The following PDE8A variants were observed in gnomAD, a reference collection of about 807,000 sequenced individuals.
PDE8A encodes the protein high affinity cAMP-specific and IBMX-insensitive 3',5'-cyclic phosphodiesterase 8A.
Under a neutral mutation model 105.0 loss-of-function variants are expected in PDE8A, and 59 were observed. That is an observed-to-expected ratio of 0.56 (90% confidence interval 0.46 to 0.70). PDE8A has a LOEUF of 0.70. PDE8A is among the 30% of genes least tolerant of loss of function. The probability of loss-of-function intolerance (pLI) is 0.00; values close to 1 mark genes in which losing one functional copy is unlikely to be tolerated. For missense variants in PDE8A, 1,014 were observed against 1,045.9 expected (o/e 0.97, Z 0.42); for synonymous variants, 355 against 371.9 (o/e 0.95, Z 0.52).
intron 1 of PDE8A, among the ~76,000 whole-genome samples, chr15:84,993,440 C>T (rs1180061025): frequency 2.0e-5 from 1 of 48,934 alleles, no homozygotes; most frequent in Non-Finnish European, 3.6e-5. Context: ...GAGACTCCAT[C>T]TCAAAAAAAA....
chr15:85,010,555 T>A (rs1255614942), intron 1 of PDE8A, among the ~76,000 whole-genome samples: 1 of 152,192 alleles, frequency 6.6e-6, no homozygotes, highest in Non-Finnish European at 1.5e-5. Flanking sequence ...TCTGTATGTA[T>A]TTGATTGCCT....
At chr15:85,070,114 C>A (rs2081289706) in intron 3 of PDE8A, among the ~76,000 whole-genome samples, 1 of 152,168 alleles carries the variant, frequency 6.6e-6, no homozygotes, top group Non-Finnish European at 1.5e-5. Context: ...CTGCAGAATT[C>A]TGTCCTTCCC....
At chr15:85,089,616 A>G (rs576247871) in intron 7 of PDE8A, among the ~76,000 whole-genome samples, 200 bp downstream of exon 7, 1 of 152,274 alleles carries the variant, frequency 6.6e-6, no homozygotes, top group South Asian at 2.1e-4. Flanking sequence ...ACTAATAATT[A>G]AGGTGCTAGA....
intron 14 of PDE8A, chr15:85,115,198 C>T (rs2082077183): frequency 6.4e-6 from 3 of 471,702 alleles, no homozygotes; most frequent in Non-Finnish European, 1.1e-5. Flanking sequence ...GACCTTGCTC[C>T]TGAGTTTAGC....
At chr15:85,092,977 AG>A (rs1669077582) in intron 8 of PDE8A, among the ~76,000 whole-genome samples, 1 of 149,450 alleles carries the variant, frequency 6.7e-6, no homozygotes, top group Non-Finnish European at 1.5e-5. Context: ...GCCGGAATGC[AG>A]AGGTGCAACA....
At chr15:85,069,221 A>G (rs1470185946) in intron 3 of PDE8A, among the ~76,000 whole-genome samples, 3 of 152,336 alleles carry the variant, frequency 2.0e-5, no homozygotes, top group Non-Finnish European at 4.4e-5. Flanking sequence ...ATAGTTTTAA[A>G]GTAAAGAATG....
At chr15:85,070,892 A>G (rs2081301085) in intron 3 of PDE8A, among the ~76,000 whole-genome samples, 1 of 152,240 alleles carries the variant, frequency 6.6e-6, no homozygotes, top group South Asian at 2.1e-4. Flanking sequence ...CAAATCAATC[A>G]GTTGTGAGGC....
chr15:85,020,596 AAAAC>A (rs565998916), intron 1 of PDE8A, among the ~76,000 whole-genome samples: 66 of 152,212 alleles, frequency 4.3e-4, no homozygotes, highest in Non-Finnish European at 8.1e-4. Flanking sequence ...ACTGTGTCTC[AAAAC>A]AAACAAACAA....
At chr15:85,080,671 AAG>A (rs1403762589) in intron 5 of PDE8A, among the ~76,000 whole-genome samples, 1 of 152,184 alleles carries the variant, frequency 6.6e-6, no homozygotes. Flanking sequence ...GTGGACCAGA[AAG>A]AGCATCCTGG....
intron 17 of PDE8A, among the ~76,000 whole-genome samples, chr15:85,118,085 C>T (rs1019612504): frequency 1.3e-5 from 2 of 152,124 alleles, no homozygotes; most frequent in Non-Finnish European, 2.9e-5. Flanking sequence ...GGAGGAGAAA[C>T]CTAACAAGGA....
At chr15:85,091,571 A>G (rs1233387607) in intron 8 of PDE8A, among the ~76,000 whole-genome samples, 1 of 152,224 alleles carries the variant, frequency 6.6e-6, no homozygotes, top group African/African-American at 2.4e-5. Flanking sequence ...AGCCTCGTTA[A>G]TTCATTGAGC....
At chr15:84,993,813 G>C (rs2079931550) in intron 1 of PDE8A, among the ~76,000 whole-genome samples, 1 of 152,088 alleles carries the variant, frequency 6.6e-6, no homozygotes, top group Non-Finnish European at 1.5e-5. Context: ...GCTTGAGGCT[G>C]GGAGTTTGAG....
In PDE8A at chr15:85,038,218, T is replaced by G. The variant is rs769234207; in HGVS notation, c.187-26152T>G. ...TGCAAGGCTCTCTCCAATTGGGGGG[T>G]GTGTGTGTGTGTGTGTGTGTGTGTG... On this transcript the variant is annotated intron_variant, in intron 1 of 21. Transcript: ENST00000394553. Among the ~76,000 whole-genome samples the G allele has an allele frequency of 2.9e-3, 7 of 2,444 alleles. No homozygotes were observed. In the East Asian group the frequency reaches 0.05, roughly 17 times the overall value. The allele number at this position is 2,444 out of a possible 152,430, so 1.6% of individuals were successfully genotyped here.
At chr15:85,060,055 A>G (rs1443014236) in intron 1 of PDE8A, among the ~76,000 whole-genome samples, 1 of 151,974 alleles carries the variant, frequency 6.6e-6, no homozygotes, top group Non-Finnish European at 1.5e-5. Context: ...AACTTCTGTC[A>G]TTTTGCTATT....
In PDE8A at chr15:84,982,349, G is replaced by A; in HGVS notation, c.186+1G>A. Reference sequence around the variant, plus strand: ...GCTTCGCGACGGCAGCGGCAAGAAGGTAAGGGGCGCCGGGCACTCTGGGGC... The same window carrying A: ...GCTTCGCGACGGCAGCGGCAAGAAGATAAGGGGCGCCGGGCACTCTGGGGC... On this transcript the variant is annotated splice_donor_variant, in intron 1 of 21. Coordinates refer to ENST00000394553, the MANE Select transcript of PDE8A (RefSeq NM_002605.3). LOFTEE classifies it high-confidence loss of function. 7.5e-7 allele frequency: 1 copy of A among 1,324,674 alleles called. No individual in the cohort carries two copies. Among genetic ancestry groups the A allele is most frequent in the Non-Finnish European group, 9.6e-7 (1 of 1,040,282 alleles). The allele number at this position is 1,324,674 out of a possible 1,614,324, so 82.1% of individuals were successfully genotyped here.
At chr15:85,137,548 C>T (rs899618402) in intron 21 of PDE8A, among the ~76,000 whole-genome samples, 2 of 152,198 alleles carry the variant, frequency 1.3e-5, no homozygotes, top group African/African-American at 4.8e-5. Flanking sequence ...AGCAGATTAG[C>T]CACCTTCTGT....
At chr15:85,100,473 T>G (rs2081843443) in intron 11 of PDE8A, among the ~76,000 whole-genome samples, 1 of 152,190 alleles carries the variant, frequency 6.6e-6, no homozygotes, top group African/African-American at 2.4e-5. Context: ...GAAGTGTGGT[T>G]TTATAACCTG....
At chr15:85,014,063 C>T (rs890432262) in intron 1 of PDE8A, among the ~76,000 whole-genome samples, 1 of 152,140 alleles carries the variant, frequency 6.6e-6, no homozygotes, top group Non-Finnish European at 1.5e-5. Flanking sequence ...CATATACCAG[C>T]CTTGATTCAG....
chr15:85,111,276 T>C (rs2082016858), intron 12 of PDE8A, among the ~76,000 whole-genome samples: 1 of 152,244 alleles, frequency 6.6e-6, no homozygotes, highest in Non-Finnish European at 1.5e-5. Context: ...TTATGTCCTA[T>C]TTAAGAAATC....
Sources: allele counts gnomAD v4.1 joint callset (sites outside exome capture counted in the v4.1 genomes callset), GRCh38; gene constraint gnomAD v4.1.1; transcripts MANE v1.5; gene names NCBI Gene and HGNC (gene_info 2026-07-23, HGNC 2026-07-21).